Variants in RSU1 observed in about 807,000 individuals in gnomAD.
RSU1 encodes the protein Ras suppressor protein 1, also known as rsu-1.
A neutral mutation model predicts 31.1 loss-of-function variants in RSU1; 26 were observed. That is an observed-to-expected ratio of 0.84 (90% CI 0.61 to 1.16). RSU1 has a LOEUF of 1.16. Ranked by LOEUF, RSU1 falls within the 50% of genes most tolerant of loss-of-function variation. The pLI is 0.00. For missense variants in RSU1, 320 were observed against 339.1 expected, an observed-to-expected ratio of 0.94 and a Z score of 0.44; for synonymous variants, 164 against 136.3, an observed-to-expected ratio of 1.20 and a Z score of -1.41.
intron 2 of RSU1, among the ~76,000 whole-genome samples, chr10:16,811,378 C>T (rs148257560): frequency 5.8e-4 from 89 of 152,262 alleles, no homozygotes; most frequent in African/African-American, 2.0e-3. Context: ...GTATTAAGAC[C>T]ATCAGGTACC....
At chr10:16,696,752 G>A (rs1183915979) in intron 7 of RSU1, among the ~76,000 whole-genome samples, 1 of 152,166 alleles carries the variant, frequency 6.6e-6, no homozygotes, top group Non-Finnish European at 1.5e-5. Flanking sequence ...GCTGCCTAGG[G>A]CGAATGAAAA....
chr10:16,756,797 T>C (rs535190803), intron 4 of RSU1, among the ~76,000 whole-genome samples: 6 of 152,000 alleles, frequency 3.9e-5, no homozygotes, highest in South Asian at 2.1e-4. Flanking sequence ...CAAGGGTCAA[T>C]TGTGTGTGAG....
intron 8 of RSU1, among the ~76,000 whole-genome samples, chr10:16,680,991 A>T (rs184680164): frequency 1.3e-5 from 2 of 152,332 alleles, no homozygotes; most frequent in East Asian, 3.9e-4. Context: ...TAGGCTTAAC[A>T]TTGGGAAATG....
At chr10:16,719,139 C>G (rs2131587960) in intron 7 of RSU1, among the ~76,000 whole-genome samples, 1 of 152,170 alleles carries the variant, frequency 6.6e-6, no homozygotes, top group South Asian at 2.1e-4. Context: ...GACAACCTAT[C>G]TCTACAAAAA....
Position 16,676,547 on chromosome 10 carries a change from T to C in RSU1, c.731+18476A>G, listed in dbSNP as rs568980450. ...TTTGGGTGGGGACACAGCCAAACCATATCAATCCTTTATCCAGAATTCTTG... is the reference window on the plus strand; with the variant it reads ...TTTGGGTGGGGACACAGCCAAACCACATCAATCCTTTATCCAGAATTCTTG... On this transcript the variant is annotated intron_variant, in intron 8 of 8. Transcript: ENST00000345264. 1.4e-3 allele frequency among the ~76,000 whole-genome samples: 216 copies of C among 152,332 alleles called. 1 individual carries two copies. Among genetic ancestry groups the C allele is most frequent in the African/African-American group, 5.0e-3 (207 of 41,568 alleles).
intron 3 of RSU1, among the ~76,000 whole-genome samples, chr10:16,779,152 G>A (rs557831244): frequency 2.0e-5 from 3 of 152,062 alleles, no homozygotes; most frequent in Non-Finnish European, 4.4e-5. Context: ...TAAGTCCCCC[G>A]CTGACTTCAA....
chr10:16,784,256 GT>G (rs910287928), intron 2 of RSU1, among the ~76,000 whole-genome samples: 3 of 151,656 alleles, frequency 2.0e-5, no homozygotes, highest in Non-Finnish European at 4.4e-5. Context: ...TGATTTAAAT[GT>G]TTTTTTGTTT....
chr10:16,793,613 A>T (rs1234220380), intron 2 of RSU1, among the ~76,000 whole-genome samples: 1 of 152,140 alleles, frequency 6.6e-6, no homozygotes, highest in East Asian at 1.9e-4. Context: ...GAGAGAATTA[A>T]AGAGAAAAAT....
At chr10:16,733,273 C>T (rs139950298) in intron 7 of RSU1, among the ~76,000 whole-genome samples, 1,681 of 149,658 alleles carry the variant, frequency 0.011, 43 homozygotes, top group African/African-American at 0.039. Flanking sequence ...GACGGATCAC[C>T]TGAGGTCAGG....
At chr10:16,696,546 CAA>C (rs1835679516) in intron 7 of RSU1, among the ~76,000 whole-genome samples, 1 of 152,184 alleles carries the variant, frequency 6.6e-6, no homozygotes, top group Admixed American at 6.5e-5. Flanking sequence ...TACTAAATAT[CAA>C]GAGAGAGTAA....
intron 2 of RSU1, among the ~76,000 whole-genome samples, chr10:16,813,930 G>A (rs780631): frequency 0.14 from 20,744 of 152,208 alleles, 1,860 homozygotes; most frequent in East Asian, 0.29. Context: ...CTCCCAGGAA[G>A]AAAGACGGGC....
intron 8 of RSU1, among the ~76,000 whole-genome samples, chr10:16,622,356 G>A (rs1452014317): frequency 1.3e-5 from 2 of 152,162 alleles, no homozygotes; most frequent in Admixed American, 6.5e-5. Context: ...AACTGTGCTT[G>A]TAACAATATA....
chr10:16,766,918 G>A (rs1037511562), intron 3 of RSU1, among the ~76,000 whole-genome samples: 6 of 151,576 alleles, frequency 4.0e-5, no homozygotes, highest in South Asian at 2.1e-4. Flanking sequence ...CCAGCTACTC[G>A]GGAAGCTGAG....
intron 2 of RSU1, among the ~76,000 whole-genome samples, chr10:16,794,970 A>G (rs1010944898): frequency 4.6e-5 from 7 of 152,226 alleles, no homozygotes; most frequent in African/African-American, 4.8e-5. Flanking sequence ...AATGAAACAA[A>G]TAAAAGAGAG....
At chr10:16,650,155 G>A (rs978511112) in intron 8 of RSU1, among the ~76,000 whole-genome samples, 2 of 152,158 alleles carry the variant, frequency 1.3e-5, no homozygotes, top group Non-Finnish European at 2.9e-5. Flanking sequence ...AAAGATGCAG[G>A]CATGTCCATT....
intron 7 of RSU1, among the ~76,000 whole-genome samples, chr10:16,734,242 A>T (rs1216593116): frequency 6.6e-6 from 1 of 152,210 alleles, no homozygotes; most frequent in African/African-American, 2.4e-5. Context: ...CTACCACTAC[A>T]TCCTATGATC....
At chr10:16,626,867 G>A (rs150314747) in intron 8 of RSU1, among the ~76,000 whole-genome samples, 195 of 152,320 alleles carry the variant, frequency 1.3e-3, no homozygotes, top group African/African-American at 4.3e-3. Context: ...CAGGCCTGGA[G>A]CATTGGGAGT....
rs1554767079 is a variant in RSU1 at position 16,695,167 on chromosome 10, GA to G, written c.599-13del. 3.9e-3 allele frequency: 5,082 copies of G among 1,318,198 alleles called. 104 individuals carry two copies. In the South Asian group the frequency reaches 0.039, roughly 10 times the overall value. The allele number at this position is 1,318,198 out of a possible 1,614,324, so 81.7% of individuals were successfully genotyped here. A position where few individuals can be genotyped will look rare whatever the true frequency, so the allele number is the denominator to read the frequency against. ...TAAATCCAAGTTTCCTGGGGGGGGGGAAAAAAAAAGTGAAGGTCACTTCATC... is the reference window on the plus strand; with the variant it reads ...TAAATCCAAGTTTCCTGGGGGGGGGGAAAAAAAAGTGAAGGTCACTTCATC... On this transcript the variant is annotated splice_polypyrimidine_tract_variant and intron_variant, in intron 7 of 8. Coordinates refer to ENST00000345264, the MANE Select transcript of RSU1 (RefSeq NM_012425.4).
At chr10:16,651,424 G>A (rs1233794152) in intron 8 of RSU1, among the ~76,000 whole-genome samples, 1 of 152,200 alleles carries the variant, frequency 6.6e-6, no homozygotes, top group African/African-American at 2.4e-5. Flanking sequence ...CCTTAGTGTA[G>A]CATAAGCAGA....
Sources: gnomAD v4.1 joint callset for allele counts (sites outside exome capture counted in the v4.1 genomes callset) on GRCh38, gnomAD v4.1.1 for gene constraint, MANE v1.5 for transcripts, NCBI Gene and HGNC (gene_info 2026-07-23, HGNC 2026-07-21) for gene names.